THAP2: variants seen among roughly 807,000 people sequenced by gnomAD.
THAP2 encodes the protein THAP domain-containing protein 2.
THAP2 carries 16 observed loss-of-function variants against 18.8 expected under a neutral mutation model. That is an observed-to-expected ratio of 0.85 (90% CI 0.58 to 1.29). The LOEUF (loss-of-function observed/expected upper bound fraction) is 1.29, where lower values mean the gene tolerates loss of function less well. THAP2 is among the 50% of genes most tolerant of loss of function. The pLI, the probability that THAP2 is intolerant of heterozygous loss-of-function variation, is 0.00. For synonymous variants in THAP2, 80 were observed against 89.2 expected (o/e 0.90, Z 0.58); for missense variants, 251 against 265.3 (o/e 0.95, Z 0.38).
At chr12:71,674,424 T>A in intron 2 of THAP2, 26 bp downstream of exon 2, 2 of 1,546,138 alleles carry the variant, frequency 1.3e-6, no homozygotes, top group Non-Finnish European at 1.8e-6. Flanking sequence ...CTCCTTTTGT[T>A]AAAACCATTT....
chr12:71,664,335 G>T lies in THAP2; in HGVS notation c.-175G>T. 1.5e-6 allele frequency: 1 copy of T among 669,718 alleles called. No homozygotes were observed. The highest frequency in any genetic ancestry group is 2.6e-6 in the Non-Finnish European group (1 of 391,250). 41.5% of individuals were successfully genotyped at this position (669,718 alleles called of 1,614,324 possible). On this transcript the variant is annotated 5_prime_UTR_variant, in exon 1 of 3. Coordinates refer to ENST00000308086, the MANE Select transcript of THAP2 (RefSeq NM_031435.4). ...TATTAATAAAGAGAAAGGGAAGGCT[G>T]ACCGTCCTTCGCCTCCGCCCCCACA...
chr12:71,672,716 CAT>C (rs113707651), intron 1 of THAP2, among the ~76,000 whole-genome samples: 17 of 148,700 alleles, frequency 1.1e-4, no homozygotes, highest in Non-Finnish European at 9.0e-5. Flanking sequence ...ATCTATGTGG[CAT>C]ATATATATAT....
chr12:71,666,912 T>C (rs925926910), intron 1 of THAP2, among the ~76,000 whole-genome samples: 2 of 152,148 alleles, frequency 1.3e-5, no homozygotes, highest in African/African-American at 4.8e-5. Context: ...TTTATATTTT[T>C]TAGAAGAGAT....
intron 1 of THAP2, among the ~76,000 whole-genome samples, chr12:71,669,467 T>C (rs1371668772): frequency 6.6e-6 from 1 of 152,200 alleles, no homozygotes; most frequent in Admixed American, 6.5e-5. Flanking sequence ...AAGAGTCTTA[T>C]ACAAATAATA....
At chr12:71,671,145 T>G (rs1419375478) in intron 1 of THAP2, among the ~76,000 whole-genome samples, 1 of 152,094 alleles carries the variant, frequency 6.6e-6, no homozygotes, top group African/African-American at 2.4e-5. Context: ...TCAGTCTAAC[T>G]TTATGGAAAT....
At chr12:71,664,628 TG>T in intron 1 of THAP2, 48 bp downstream of exon 1, 1 of 1,602,688 alleles carries the variant, frequency 6.2e-7, no homozygotes. Flanking sequence ...GTTCCTATTG[TG>T]GCTATCGCTT....
chr12:71,665,056 C>T (rs1414804691), intron 1 of THAP2: 2 of 693,068 alleles, frequency 2.9e-6, no homozygotes, highest in Non-Finnish European at 5.3e-6. Context: ...CTTTGATAGC[C>T]ATGGAATTAA....
At chr12:71,670,066 TG>T (rs1448265115) in intron 1 of THAP2, among the ~76,000 whole-genome samples, 91 of 152,214 alleles carry the variant, frequency 6.0e-4, no homozygotes, top group African/African-American at 2.2e-3. Flanking sequence ...CGTATAGGGT[TG>T]AGGGGGATGG....
At chr12:71,675,564 A>C (rs917173691) in intron 2 of THAP2, among the ~76,000 whole-genome samples, 1 of 152,132 alleles carries the variant, frequency 6.6e-6, no homozygotes, top group African/African-American at 2.4e-5. Flanking sequence ...TGTAGGTTTC[A>C]TGAGGATAGG....
At chr12:71,673,096 C>T (rs1168215734) in intron 1 of THAP2, among the ~76,000 whole-genome samples, 1 of 152,082 alleles carries the variant, frequency 6.6e-6, no homozygotes, top group Non-Finnish European at 1.5e-5. Context: ...CATTTGTTTA[C>T]ATTCTTCTGG....
chr12:71,671,516 A>G (rs960363971), intron 1 of THAP2, among the ~76,000 whole-genome samples: 1 of 152,196 alleles, frequency 6.6e-6, no homozygotes, highest in African/African-American at 2.4e-5. Flanking sequence ...TGCCATATCA[A>G]CAATCTCATT....
At position 71,679,916 on chromosome 12, in the gene THAP2, A is replaced by G. The variant is rs1238043091; in HGVS notation, c.*2808A>G. 6.6e-6 allele frequency: 1 copy of G among 152,220 alleles called. No homozygotes were observed. The highest frequency in any genetic ancestry group is 1.5e-5 in the Non-Finnish European group (1 of 68,026). 9.4% of individuals were successfully genotyped at this position (152,220 alleles called of 1,614,324 possible). ...TAAGACAACATTTTTACCCTTTAAA[A>G]TGAACACTGAACAAATGTGTTAATG... On this transcript the variant is annotated 3_prime_UTR_variant, in exon 3 of 3. Transcript: ENST00000308086.
At chr12:71,664,699 A>G in intron 1 of THAP2, 119 bp downstream of exon 1, 2 of 1,148,790 alleles carry the variant, frequency 1.7e-6, no homozygotes, top group South Asian at 1.3e-5. Flanking sequence ...GGTAGCAGGG[A>G]AGCATCGTAT....
chr12:71,673,892 T>C (rs1209546439), intron 1 of THAP2, among the ~76,000 whole-genome samples: 1 of 152,156 alleles, frequency 6.6e-6, no homozygotes, highest in Non-Finnish European at 1.5e-5. Context: ...ATAATTGTTC[T>C]ACTTAAACTT....
At chr12:71,676,530 T>A (rs1881522311) in intron 2 of THAP2, among the ~76,000 whole-genome samples, 159 bp from the exon 3 acceptor site, 1 of 152,116 alleles carries the variant, frequency 6.6e-6, no homozygotes, top group Non-Finnish European at 1.5e-5. Context: ...AAAAACTTAA[T>A]CTTGGATTAC....
chr12:71,675,983 T>G (rs1881512941), intron 2 of THAP2, among the ~76,000 whole-genome samples: 1 of 151,810 alleles, frequency 6.6e-6, no homozygotes, highest in Admixed American at 6.6e-5. Context: ...AGAATGACAG[T>G]GTTCAGCCTT....
At chr12:71,670,417 C>T (rs889223028) in intron 1 of THAP2, among the ~76,000 whole-genome samples, 9 of 152,118 alleles carry the variant, frequency 5.9e-5, no homozygotes, top group Non-Finnish European at 7.3e-5. Context: ...TTAATAGGTA[C>T]ACACTGGATG....
At chr12:71,674,427 A>G in intron 2 of THAP2, 29 bp downstream of exon 2, 1 of 1,544,268 alleles carries the variant, frequency 6.5e-7, no homozygotes, top group Non-Finnish European at 8.8e-7. Flanking sequence ...CTTTTGTTAA[A>G]ACCATTTTTA....
Position 71,674,569 on chromosome 12 carries a change from C to G in THAP2, c.267+171C>G, listed in dbSNP as rs570277183. 2.0e-5 allele frequency among the ~76,000 whole-genome samples: 3 copies of G among 152,110 alleles called. No homozygotes were observed. The South Asian group carries it at 6.2e-4, about 32-fold the overall frequency. On this transcript the variant is annotated intron_variant, in intron 2 of 2. Transcript: ENST00000308086. ...GAATCAGAGTTTGGGTCTCCTGACT[C>G]CAATATTCTTTCCCCAATCCAAATT... is the stretch of plus-strand genomic sequence containing the variant.
Sources: gnomAD v4.1 joint callset for allele counts (sites outside exome capture counted in the v4.1 genomes callset) on GRCh38, gnomAD v4.1.1 for gene constraint, MANE v1.5 for transcripts, NCBI Gene and HGNC (gene_info 2026-07-23, HGNC 2026-07-21) for gene names.